The following GALNT13 variants were observed in gnomAD, a reference collection of about 807,000 sequenced individuals.
The protein encoded by GALNT13 is polypeptide N-acetylgalactosaminyltransferase 13.
In GALNT13, 28 loss-of-function variants were observed where a neutral mutation model predicts 64.2. That is an observed-to-expected ratio of 0.44 (90% CI 0.32 to 0.60). GALNT13 has a LOEUF of 0.60. Ranked by LOEUF, GALNT13 falls within the 20% of genes least tolerant of loss-of-function variation. The pLI is 0.05. For missense variants in GALNT13, 577 were observed against 669.8 expected (o/e 0.86, Z 1.53); for synonymous variants, 214 against 224.6 (o/e 0.95, Z 0.42).
chr2:154,208,892 T>C (rs1196036484), intron 4 of GALNT13, among the ~76,000 whole-genome samples: 1 of 152,130 alleles, frequency 6.6e-6, no homozygotes, highest in Non-Finnish European at 1.5e-5. Flanking sequence ...AAGTAGAAAT[T>C]CTTTTTATTT....
chr2:154,238,246 A>G (rs1344580), intron 4 of GALNT13, among the ~76,000 whole-genome samples: 22,833 of 152,022 alleles, frequency 0.15, 2,205 homozygotes, highest in East Asian at 0.27. Flanking sequence ...CCCTCATATG[A>G]TAAGCAATAC....
At chr2:153,189,246 A>G in the GALNT13 span, among the ~76,000 whole-genome samples, 2 of 152,010 alleles carry the variant, frequency 1.3e-5, no homozygotes, top group Admixed American at 6.6e-5. Context: ...CTTTCCCAGC[A>G]TCTGGTAACT....
chr2:153,545,188 G>C, the GALNT13 span, among the ~76,000 whole-genome samples: 1 of 152,158 alleles, frequency 6.6e-6, no homozygotes, highest in Non-Finnish European at 1.5e-5. Flanking sequence ...CACAGCCGGT[G>C]AGGTGAAAAC....
the GALNT13 span, among the ~76,000 whole-genome samples, chr2:153,485,875 C>T: frequency 2.0e-5 from 3 of 152,160 alleles, no homozygotes; most frequent in Non-Finnish European, 2.9e-5. Flanking sequence ...ACTCTAGCCT[C>T]GGCGACAGAG....
the GALNT13 span, among the ~76,000 whole-genome samples, chr2:153,249,278 T>C: frequency 6.6e-6 from 1 of 152,264 alleles, no homozygotes; most frequent in Non-Finnish European, 1.5e-5. Context: ...CATTTACAAT[T>C]AGTATAAAGA....
intron 3 of GALNT13, among the ~76,000 whole-genome samples, chr2:154,077,301 C>A (rs1243884867): frequency 6.6e-6 from 1 of 151,358 alleles, no homozygotes; most frequent in African/African-American, 2.4e-5. Context: ...TCATTAATTG[C>A]CTGGGAAGAA....
the GALNT13 span, among the ~76,000 whole-genome samples, chr2:153,502,071 TTTTA>T: frequency 6.6e-6 from 1 of 152,164 alleles, no homozygotes; most frequent in Non-Finnish European, 1.5e-5. Flanking sequence ...TTGTGAGGCA[TTTTA>T]TTTATTTATT....
the GALNT13 span, among the ~76,000 whole-genome samples, chr2:153,174,128 C>T: frequency 2.6e-5 from 4 of 152,170 alleles, no homozygotes; most frequent in South Asian, 8.3e-4. Context: ...CTCTGAAATC[C>T]AGGAGGTGAG....
chr2:153,590,691 AC>A, the GALNT13 span, among the ~76,000 whole-genome samples: 2 of 152,190 alleles, frequency 1.3e-5, no homozygotes, highest in African/African-American at 4.8e-5. Context: ...TAAATTTGGT[AC>A]ATACATCAAC....
chr2:153,901,389 T>A (rs906367364), intron 2 of GALNT13, among the ~76,000 whole-genome samples: 1 of 152,190 alleles, frequency 6.6e-6, no homozygotes, highest in African/African-American at 2.4e-5. Flanking sequence ...AGGAATAGTA[T>A]TGAATCTGTA....
the GALNT13 span, among the ~76,000 whole-genome samples, chr2:153,211,757 A>T: frequency 1.3e-5 from 2 of 152,272 alleles, no homozygotes; most frequent in African/African-American, 4.8e-5. Flanking sequence ...GTGTTCACTA[A>T]AGCTTGGGAA....
chr2:153,271,092 A>G, the GALNT13 span, among the ~76,000 whole-genome samples: 2 of 152,292 alleles, frequency 1.3e-5, no homozygotes, highest in East Asian at 1.9e-4. Flanking sequence ...AACTCTCTCA[A>G]TAAACTAGGT....
At chr2:153,763,926 A>T in the GALNT13 span, among the ~76,000 whole-genome samples, 1 of 151,456 alleles carries the variant, frequency 6.6e-6, no homozygotes, top group Non-Finnish European at 1.5e-5. Context: ...AGAGGAAGAT[A>T]TGTGAAAGTT....
At chr2:153,802,403 C>T in the GALNT13 span, among the ~76,000 whole-genome samples, 18 of 152,174 alleles carry the variant, frequency 1.2e-4, no homozygotes, top group South Asian at 3.3e-3. Flanking sequence ...TGGTTTGGTT[C>T]GTTCTACTAT....
At chr2:153,333,420 C>A in the GALNT13 span, among the ~76,000 whole-genome samples, 1 of 152,130 alleles carries the variant, frequency 6.6e-6, no homozygotes, top group South Asian at 2.1e-4. Context: ...CGTTTGCTGG[C>A]ATTCTCATTT....
At chr2:153,681,600 G>T in the GALNT13 span, among the ~76,000 whole-genome samples, 20 of 151,674 alleles carry the variant, frequency 1.3e-4, 1 homozygote, top group Non-Finnish European at 2.5e-4. Flanking sequence ...CCAATTTCCT[G>T]TCAGTATCTC....
At chr2:153,340,851 CT>C in the GALNT13 span, among the ~76,000 whole-genome samples, 1 of 152,124 alleles carries the variant, frequency 6.6e-6, no homozygotes, top group Non-Finnish European at 1.5e-5. Flanking sequence ...ATTCAATGTA[CT>C]TTTTAGGAGA....
chr2:154,298,620 TACA>T, intron 8 of GALNT13, among the ~76,000 whole-genome samples: 1 of 94,850 alleles, frequency 1.1e-5, no homozygotes, highest in South Asian at 3.0e-4. Flanking sequence ...AATTTATATA[TACA>T]TTGTATATAT....
chr2:154,277,056 C>T (rs558228531), intron 8 of GALNT13, among the ~76,000 whole-genome samples: 8 of 152,206 alleles, frequency 5.3e-5, no homozygotes, highest in Admixed American at 5.2e-4. Flanking sequence ...CTACTTTGTT[C>T]TTTGAGGCAT....
Sources: allele counts gnomAD v4.1 joint callset (sites outside exome capture counted in the v4.1 genomes callset), GRCh38; gene constraint gnomAD v4.1.1; transcripts MANE v1.5; gene names NCBI Gene and HGNC (gene_info 2026-07-23, HGNC 2026-07-21).